The following UGGT1 variants were observed in gnomAD, a reference collection of about 807,000 sequenced individuals.
The protein encoded by UGGT1 is UDP-glucose:glycoprotein glucosyltransferase 1.
UGGT1 carries 107 observed loss-of-function variants against 203.9 expected under a neutral mutation model. The observed-to-expected ratio is 0.52, with a 90% CI of 0.45 to 0.62. UGGT1 has a LOEUF of 0.62. Among genes scored for constraint, UGGT1 ranks in the 20% least tolerant of loss-of-function variants. The probability of loss-of-function intolerance (pLI) is 0.00; values close to 1 mark genes in which losing one functional copy is unlikely to be tolerated. For synonymous variants in UGGT1, 628 were observed against 653.5 expected, an observed-to-expected ratio of 0.96 and a Z score of 0.59; for missense variants, 1,673 against 1,867.2, an observed-to-expected ratio of 0.90 and a Z score of 1.92.
In UGGT1 at chr2:128,191,405, C is replaced by T. The variant is rs1199964698; in HGVS notation, c.*1663C>T. ...AGGGGATTAATGAGTACAATGAAAA[C>T]AAAACAAAACAAAAAATTAAGAAGA... On this transcript the variant is annotated 3_prime_UTR_variant, in exon 41 of 41. Transcript: ENST00000259253. The T allele has an allele frequency of 6.6e-6, 1 of 151,956 alleles. No homozygotes were observed. The highest frequency in any genetic ancestry group is 2.4e-5 in the African/African-American group (1 of 41,362). The allele number at this position is 151,956 out of a possible 1,614,324, so 9.4% of individuals were successfully genotyped here.
intron 6 of UGGT1, 86 bp downstream of exon 6, chr2:128,113,344 T>G (rs1304549528): frequency 7.2e-6 from 8 of 1,105,618 alleles, no homozygotes; most frequent in Non-Finnish European, 9.7e-6. Context: ...TCCCTCTTTA[T>G]AAAAAAATCT....
chr2:128,160,310 C>T, intron 23 of UGGT1, 150 bp from the exon 24 acceptor site: 2 of 753,494 alleles, frequency 2.7e-6, no homozygotes, highest in Non-Finnish European at 4.0e-6. Context: ...GGCGGGGAGA[C>T]TGGAGAATTG....
chr2:128,125,999 G>A lies in UGGT1; in HGVS notation c.1135-1362G>A, dbSNP rs547313210. On this transcript the variant is annotated intron_variant, in intron 11 of 40. Coordinates refer to ENST00000259253, the MANE Select transcript of UGGT1 (RefSeq NM_020120.4). ...GCTGTGTCGCCCAGGCTGGAGTGCA[G>A]TGGCATGATCTCAGCTCACTGTAAC... is the stretch of plus-strand genomic sequence containing the variant. Among the ~76,000 whole-genome samples, 25 of 147,778 alleles carry A rather than the reference G, an allele frequency of 1.7e-4. No homozygotes were observed. In the South Asian group the frequency reaches 5.3e-3, roughly 31 times the overall value.
rs78204676 is a variant in UGGT1 at position 128,123,286 on chromosome 2, A to G, written c.1134+40A>G. On this transcript the variant is annotated intron_variant, in intron 11 of 40. Transcript: ENST00000259253. ...AAAATACTGACCTGTTTTGTATTCT[A>G]TCTTTAAAGATAAGGAAATCTGAGT... 1.1e-3 allele frequency: 1,687 copies of G among 1,547,030 alleles called. 16 individuals are homozygous for G. In the African/African-American group the frequency reaches 0.016, roughly 15 times the overall value.
chr2:128,165,995 C>T (rs751023125), intron 26 of UGGT1, among the ~76,000 whole-genome samples: 2 of 152,242 alleles, frequency 1.3e-5, no homozygotes, highest in South Asian at 4.1e-4. Context: ...CTCCTAGGCT[C>T]AAGTTATTCA....
rs544381740 is a variant in UGGT1, at chr2:128,169,048, TAAAAAAAAAAAAAAAAA to T, written c.2922-1213_2922-1197del. On this transcript the variant is annotated intron_variant, in intron 26 of 40. Transcript: ENST00000259253. ...GGGTGAATGAGCGAGACTCTGTCTTTAAAAAAAAAAAAAAAAAAAAAAAAAAAAAAAAAAAAAAAAAA... is the reference window on the plus strand; with the variant it reads ...GGGTGAATGAGCGAGACTCTGTCTTTAAAAAAAAAAAAAAAAAAAAAAAAA... Among the ~76,000 whole-genome samples, 132 of 52,566 alleles carry T rather than the reference TAAAAAAAAAAAAAAAAA, an allele frequency of 2.5e-3. 1 individual carries two copies. The highest frequency in any genetic ancestry group is 0.015 in the East Asian group (26 of 1,680). The allele number at this position is 52,566 out of a possible 152,430, so 34.5% of individuals were successfully genotyped here.
At position 128,091,232 on chromosome 2, in the gene UGGT1, G is replaced by C. The variant is rs995742654; in HGVS notation, c.-126G>C. The C allele has an allele frequency of 3.7e-6, 4 of 1,081,992 alleles. No homozygotes were observed. Among genetic ancestry groups the C allele is most frequent in the Non-Finnish European group, 5.1e-6 (4 of 785,980 alleles). The allele number at this position is 1,081,992 out of a possible 1,614,324, so 67.0% of individuals were successfully genotyped here. A position where few individuals can be genotyped will look rare whatever the true frequency, so the allele number is the denominator to read the frequency against. On this transcript the variant is annotated 5_prime_UTR_variant, in exon 1 of 41. Coordinates refer to ENST00000259253, the MANE Select transcript of UGGT1 (RefSeq NM_020120.4). ...CAATTGCTTTGCGAGGCTGGGTGTT[G>C]AGTCGAGCCGCGGGAAAGGCGCGTG...
chr2:128,092,360 G>T (rs1573476617), intron 1 of UGGT1, among the ~76,000 whole-genome samples: 1 of 104,622 alleles, frequency 9.6e-6, no homozygotes. Flanking sequence ...TAGAGATGAG[G>T]TCTTGTTACC....
chr2:128,166,254 G>A (rs970862280), intron 26 of UGGT1, among the ~76,000 whole-genome samples: 2 of 152,172 alleles, frequency 1.3e-5, no homozygotes, highest in Non-Finnish European at 2.9e-5. Context: ...GTCTGCATGT[G>A]TGTGTTTGTG....
At chr2:128,099,500 G>T (rs2105336955) in intron 2 of UGGT1, among the ~76,000 whole-genome samples, 1 of 152,222 alleles carries the variant, frequency 6.6e-6, no homozygotes, top group Admixed American at 6.5e-5. Context: ...TGTGGATGAA[G>T]AATTTTGCCA....
chr2:128,135,860 A>T (rs1689108590), intron 15 of UGGT1, among the ~76,000 whole-genome samples: 1 of 152,240 alleles, frequency 6.6e-6, no homozygotes, highest in African/African-American at 2.4e-5. Context: ...ATAGTTGGAA[A>T]TGCAGAGATT....
At chr2:128,151,184 C>G (rs996530610) in intron 18 of UGGT1, 18 of 510,132 alleles carry the variant, frequency 3.5e-5, no homozygotes, top group Non-Finnish European at 5.9e-5. Context: ...GCCAGGGGTC[C>G]CTTCCCCATA....
Position 128,183,825 on chromosome 2 carries a change from C to T in UGGT1, c.4359+36C>T, listed in dbSNP as rs765452047. 8.8e-5 allele frequency: 131 copies of T among 1,495,810 alleles called. 3 individuals are homozygous for T. The South Asian group carries it at 1.1e-3, about 13-fold the overall frequency. 92.7% of individuals were successfully genotyped at this position (1,495,810 alleles called of 1,614,324 possible). On this transcript the variant is annotated intron_variant, in intron 38 of 40. Transcript: ENST00000259253. ...ATTTTTTATGGTTAACTGTGAGTGA[C>T]GGGTATACAGTGTTGCATCAGAAAA...
rs758008376 is a variant in UGGT1 at position 128,108,119 on chromosome 2, A to G, written c.408+51A>G. ...GCATTTTAGAGTGTATATCATGATG[A>G]ATGGATGGACCCCAGTTGTCCTGGA... On this transcript the variant is annotated intron_variant, in intron 4 of 40. Coordinates refer to ENST00000259253, the MANE Select transcript of UGGT1 (RefSeq NM_020120.4). The G allele has an allele frequency of 2.5e-6, 4 of 1,595,288 alleles. No individual in the cohort carries two copies. The South Asian group carries it at 4.5e-5, about 18-fold the overall frequency.
chr2:128,123,383 T>C, intron 11 of UGGT1, 137 bp downstream of exon 11: 2 of 787,194 alleles, frequency 2.5e-6, no homozygotes, highest in South Asian at 4.2e-5. Flanking sequence ...CTGTGATCTT[T>C]GCATTTTTAG....
At chr2:128,116,184 T>G in intron 7 of UGGT1, 81 bp from the exon 8 acceptor site, 1 of 864,720 alleles carries the variant, frequency 1.2e-6, no homozygotes, top group Non-Finnish European at 1.8e-6. Context: ...TATTCAATTT[T>G]ATGAAGTTTA....
intron 12 of UGGT1, 81 bp from the exon 13 acceptor site, chr2:128,128,948 T>A: frequency 7.1e-7 from 1 of 1,399,632 alleles, no homozygotes; most frequent in Non-Finnish European, 9.6e-7. Flanking sequence ...GAGGTTGAAC[T>A]GATACATTTT....
intron 11 of UGGT1, among the ~76,000 whole-genome samples, chr2:128,125,258 A>G (rs1688552934): frequency 6.6e-6 from 1 of 151,824 alleles, no homozygotes; most frequent in African/African-American, 2.4e-5. Flanking sequence ...TTTTCCAGGG[A>G]ATGAGCCTTC....
intron 5 of UGGT1, 142 bp downstream of exon 5, chr2:128,109,888 A>G (rs1687770548): frequency 1.6e-6 from 1 of 631,836 alleles, no homozygotes; most frequent in Non-Finnish European, 2.7e-6. Context: ...GACTGACTAT[A>G]TTTGAATCTC....
Sources: allele counts gnomAD v4.1 joint callset (sites outside exome capture counted in the v4.1 genomes callset), GRCh38; gene constraint gnomAD v4.1.1; transcripts MANE v1.5; gene names NCBI Gene and HGNC (gene_info 2026-07-23, HGNC 2026-07-21).